CNTNAP5: variants seen among roughly 807,000 people sequenced by gnomAD.
CNTNAP5 encodes the protein contactin associated protein family member 5.
In CNTNAP5, 72 loss-of-function variants were observed where a neutral mutation model predicts 150.2. The ratio of observed to expected loss-of-function variants is 0.48; its 90% CI spans 0.40 to 0.58. The LOEUF is 0.58. CNTNAP5 is among the 20% of genes least tolerant of loss of function. The pLI is 0.00. For missense variants in CNTNAP5, 1,636 were observed against 1,626.2 expected, an observed-to-expected ratio of 1.01 and a Z score of -0.10; for synonymous variants, 672 against 619.8, an observed-to-expected ratio of 1.08 and a Z score of -1.25.
intron 3 of CNTNAP5, among the ~76,000 whole-genome samples, chr2:124,325,048 A>G (rs1689183545): frequency 6.6e-6 from 1 of 152,240 alleles, no homozygotes; most frequent in South Asian, 2.1e-4. Context: ...GTGTTACCAC[A>G]ACATTCATAT....
chr2:124,333,952 T>C (rs541031254), intron 3 of CNTNAP5, among the ~76,000 whole-genome samples: 123 of 152,264 alleles, frequency 8.1e-4, no homozygotes, highest in Non-Finnish European at 1.5e-3. Context: ...TGGTGACTCA[T>C]GAGTTAATAA....
At chr2:124,346,593 C>T (rs1404957443) in intron 3 of CNTNAP5, among the ~76,000 whole-genome samples, 5 of 152,034 alleles carry the variant, frequency 3.3e-5, no homozygotes, top group Non-Finnish European at 5.9e-5. Context: ...ACCAATGCTT[C>T]TTTTTCAATG....
intron 3 of CNTNAP5, among the ~76,000 whole-genome samples, chr2:124,306,638 T>G (rs542398046): frequency 6.6e-6 from 1 of 151,878 alleles, no homozygotes; most frequent in African/African-American, 2.4e-5. Flanking sequence ...GAGAATGCTA[T>G]GGAACAATCT....
intron 1 of CNTNAP5, among the ~76,000 whole-genome samples, chr2:124,182,447 A>C (rs1481221324): frequency 6.6e-6 from 1 of 152,144 alleles, no homozygotes; most frequent in East Asian, 1.9e-4. Flanking sequence ...AGGAAGCGGA[A>C]GTAACTTGCC....
At chr2:124,674,284 A>G (rs11900585) in intron 13 of CNTNAP5, among the ~76,000 whole-genome samples, 45,585 of 151,616 alleles carry the variant, frequency 0.3, 7,255 homozygotes, top group Non-Finnish European at 0.34. Flanking sequence ...TTCTTACTCT[A>G]AGTTTTTAAG....
intron 3 of CNTNAP5, among the ~76,000 whole-genome samples, chr2:124,415,863 TA>T (rs894046503): frequency 1.3e-5 from 2 of 152,050 alleles, no homozygotes; most frequent in Non-Finnish European, 2.9e-5. Context: ...TTACTCCAAT[TA>T]AAAAAATATA....
chr2:124,614,830 T>C (rs1411647025), intron 12 of CNTNAP5, among the ~76,000 whole-genome samples: 1 of 152,118 alleles, frequency 6.6e-6, no homozygotes, highest in Non-Finnish European at 1.5e-5. Flanking sequence ...TGCCTTAACC[T>C]CCTGAGGATG....
At chr2:124,438,068 G>A (rs1193740677) in intron 5 of CNTNAP5, among the ~76,000 whole-genome samples, 1 of 152,162 alleles carries the variant, frequency 6.6e-6, no homozygotes. Flanking sequence ...CTCTAGTGAT[G>A]CTCTTTGATG....
At chr2:124,905,682 A>T (rs1678520672) in intron 22 of CNTNAP5, among the ~76,000 whole-genome samples, 1 of 152,162 alleles carries the variant, frequency 6.6e-6, no homozygotes, top group Non-Finnish European at 1.5e-5. Context: ...ACTCAGAGCC[A>T]CATGGAGAAG....
intron 14 of CNTNAP5, among the ~76,000 whole-genome samples, chr2:124,751,973 A>G (rs1395130444): frequency 2.6e-5 from 4 of 152,190 alleles, no homozygotes; most frequent in African/African-American, 9.6e-5. Flanking sequence ...TGGTTCGGTT[A>G]AGGTCGCTTG....
chr2:124,425,354 G>A (rs1409902634), intron 4 of CNTNAP5, among the ~76,000 whole-genome samples: 1 of 152,188 alleles, frequency 6.6e-6, no homozygotes, highest in Non-Finnish European at 1.5e-5. Context: ...CTCATTGTAT[G>A]AACATCCTTT....
intron 11 of CNTNAP5, among the ~76,000 whole-genome samples, chr2:124,594,193 G>A (rs1220953014): frequency 1.3e-3 from 169 of 128,210 alleles, no homozygotes; most frequent in Non-Finnish European, 2.2e-3. Flanking sequence ...TTGGTGTTTT[G>A]GACATGAAGT....
At chr2:124,911,338 A>G (rs1488011844) in intron 22 of CNTNAP5, 129 bp from the exon 23 acceptor site, 2 of 674,896 alleles carry the variant, frequency 3.0e-6, no homozygotes, top group East Asian at 5.5e-5. Flanking sequence ...CTTGCAACAT[A>G]TCAACTCACA....
At chr2:124,603,484 G>T (rs1697031516) in intron 11 of CNTNAP5, among the ~76,000 whole-genome samples, 1 of 152,168 alleles carries the variant, frequency 6.6e-6, no homozygotes, top group South Asian at 2.1e-4. Context: ...TCAACTAATG[G>T]TTTGGCAGTC....
chr2:124,292,215 G>A (rs1040842970), intron 3 of CNTNAP5, among the ~76,000 whole-genome samples: 1 of 151,830 alleles, frequency 6.6e-6, no homozygotes, highest in African/African-American at 2.4e-5. Context: ...TCAATATTGA[G>A]AACATTTCCC....
At chr2:124,501,908 A>G (rs1269629050) in intron 7 of CNTNAP5, among the ~76,000 whole-genome samples, 1 of 152,144 alleles carries the variant, frequency 6.6e-6, no homozygotes, top group Non-Finnish European at 1.5e-5. Context: ...CTTAGAGAAT[A>G]CAGTAGAGGC....
chr2:124,822,435 G>T (rs1682510976), intron 19 of CNTNAP5, among the ~76,000 whole-genome samples: 1 of 151,964 alleles, frequency 6.6e-6, no homozygotes, highest in Non-Finnish European at 1.5e-5. Context: ...TCATACTATT[G>T]TGTATTTATG....
At chr2:124,870,663 T>C (rs185899929) in intron 21 of CNTNAP5, among the ~76,000 whole-genome samples, 1 of 152,266 alleles carries the variant, frequency 6.6e-6, no homozygotes, top group Admixed American at 6.5e-5. Flanking sequence ...AATAACTCAA[T>C]GCATGGTAAG....
At chr2:124,491,448 CAT>C (rs1694023664) in intron 7 of CNTNAP5, among the ~76,000 whole-genome samples, 2 of 32,932 alleles carry the variant, frequency 6.1e-5, no homozygotes, top group Non-Finnish European at 1.4e-4. Context: ...TATACACACA[CAT>C]ATGGAGAGAG....
Sources: gnomAD v4.1 joint callset for allele counts (sites outside exome capture counted in the v4.1 genomes callset) on GRCh38, gnomAD v4.1.1 for gene constraint, MANE v1.5 for transcripts, NCBI Gene and HGNC (gene_info 2026-07-23, HGNC 2026-07-21) for gene names.